Variants in KLHL32 observed in about 807,000 individuals in gnomAD.
The protein encoded by KLHL32 is kelch like family member 32.
KLHL32 carries 35 observed loss-of-function variants against 64.8 expected under a neutral mutation model. The observed-to-expected ratio is 0.54, with a 90% CI of 0.41 to 0.72. KLHL32 has a LOEUF of 0.72. KLHL32 is among the 30% of genes least tolerant of loss of function. The pLI is 0.00. For synonymous variants in KLHL32, 259 were observed against 281.0 expected (o/e 0.92, Z 0.78); for missense variants, 589 against 768.5 (o/e 0.77, Z 2.76).
chr6:96,945,962 C>T (rs998477021), intron 1 of KLHL32, among the ~76,000 whole-genome samples: 1 of 152,064 alleles, frequency 6.6e-6, no homozygotes, highest in Non-Finnish European at 1.5e-5. Context: ...GTTAAAGTTT[C>T]TGCAGTTATG....
At position 97,103,455 on chromosome 6, in the gene KLHL32, T is replaced by C. The variant is rs376966964; in HGVS notation, c.628-10328T>C. ...GTCTCGATCTCCTGACCTTGTGATC[T>C]GCCCGCCTTGGCCTCCCAAAGTGCT... is the stretch of plus-strand genomic sequence containing the variant. On this transcript the variant is annotated intron_variant, in intron 6 of 10. Coordinates refer to ENST00000369261, the MANE Select transcript of KLHL32 (RefSeq NM_052904.4). 1.1e-4 allele frequency among the ~76,000 whole-genome samples: 16 copies of C among 152,306 alleles called. No homozygotes were observed. The East Asian group carries it at 1.7e-3, about 17-fold the overall frequency.
intron 10 of KLHL32, among the ~76,000 whole-genome samples, chr6:97,138,165 G>C (rs1800254434): frequency 1.3e-5 from 2 of 152,218 alleles, no homozygotes; most frequent in Non-Finnish European, 2.9e-5. Context: ...CTCTCCTGAA[G>C]AAAGAATTTT....
chr6:96,990,253 A>T (rs536615643), intron 3 of KLHL32, among the ~76,000 whole-genome samples: 32 of 152,210 alleles, frequency 2.1e-4, no homozygotes, highest in African/African-American at 7.5e-4. Context: ...GAGTACATTC[A>T]GTTGCCTCTT....
At chr6:97,133,349 C>T (rs1799642795) in intron 10 of KLHL32, among the ~76,000 whole-genome samples, 1 of 152,122 alleles carries the variant, frequency 6.6e-6, no homozygotes. Flanking sequence ...AGTATTATTC[C>T]TATTATTATT....
In KLHL32 at chr6:97,086,326, T is replaced by G. The variant is rs531753132; in HGVS notation, c.627+985T>G. Among the ~76,000 whole-genome samples, 12 of 152,334 alleles carry G rather than the reference T, an allele frequency of 7.9e-5. No homozygotes were observed. In the East Asian group the frequency reaches 1.9e-3, roughly 24 times the overall value. ...TTATTCAGTAGCTAACTCTACTGAC[T>G]GATTATTTTCCTGATGCCTTTCTGC... On this transcript the variant is annotated intron_variant, in intron 6 of 10. Transcript: ENST00000369261.
chr6:97,132,409 T>A (rs1799533199), intron 9 of KLHL32, among the ~76,000 whole-genome samples: 1 of 152,228 alleles, frequency 6.6e-6, no homozygotes, highest in Non-Finnish European at 1.5e-5. Context: ...TATTTAATGC[T>A]GTACTTACTA....
chr6:97,073,575 T>C (rs143169243), intron 5 of KLHL32, among the ~76,000 whole-genome samples: 66 of 152,298 alleles, frequency 4.3e-4, no homozygotes, highest in Non-Finnish European at 5.9e-4. Context: ...CTTTCATCTC[T>C]AGTTCTAGTG....
At chr6:97,047,117 T>A (rs534838802) in intron 4 of KLHL32, among the ~76,000 whole-genome samples, 1 of 152,256 alleles carries the variant, frequency 6.6e-6, no homozygotes. Flanking sequence ...AAGTGTAGCC[T>A]TCTTAAAATT....
At chr6:96,968,006 G>C (rs978538698) in intron 2 of KLHL32, among the ~76,000 whole-genome samples, 6 of 152,184 alleles carry the variant, frequency 3.9e-5, no homozygotes, top group Non-Finnish European at 8.8e-5. Context: ...CAAAGAATAA[G>C]AGAGATGACA....
chr6:97,077,660 TAAG>T (rs1791819566), intron 5 of KLHL32, among the ~76,000 whole-genome samples: 2 of 152,220 alleles, frequency 1.3e-5, no homozygotes. Context: ...ATTAAGTACT[TAAG>T]AACACTTTTC....
intron 7 of KLHL32, among the ~76,000 whole-genome samples, chr6:97,115,457 C>T (rs1340317197): frequency 6.6e-6 from 1 of 152,098 alleles, no homozygotes; most frequent in Non-Finnish European, 1.5e-5. Context: ...TTTTGAAAAC[C>T]TTTTGATTAT....
intron 3 of KLHL32, among the ~76,000 whole-genome samples, chr6:97,035,895 G>T (rs1450347505): frequency 1.3e-5 from 2 of 152,004 alleles, no homozygotes; most frequent in East Asian, 3.9e-4. Flanking sequence ...AATGTTTTTG[G>T]TAATTATTCC....
rs199552121 is a variant in KLHL32, at chr6:97,057,172, C to CTTTTTTTT, written c.313-7434_313-7427dup. Among the ~76,000 whole-genome samples, 8 of 65,016 alleles carry CTTTTTTTT rather than the reference C, an allele frequency of 1.2e-4. 2 individuals are homozygous for CTTTTTTTT. The highest frequency in any genetic ancestry group is 4.4e-4 in the African/African-American group (5 of 11,316). The allele number at this position is 65,016 out of a possible 152,430, so 42.7% of individuals were successfully genotyped here. A position where few individuals can be genotyped will look rare whatever the true frequency, so the allele number is the denominator to read the frequency against. On this transcript the variant is annotated intron_variant, in intron 4 of 10. Coordinates refer to ENST00000369261, the MANE Select transcript of KLHL32 (RefSeq NM_052904.4). ...AAATGCAGTTTTCCTATGTGAGTATCTTTTTTTTTTTTTTTTTTTTTTTTT... is the reference window on the plus strand; with the variant it reads ...AAATGCAGTTTTCCTATGTGAGTATCTTTTTTTTTTTTTTTTTTTTTTTTTTTTTTTTT...
intron 6 of KLHL32, among the ~76,000 whole-genome samples, chr6:97,113,531 T>A (rs1040222800): frequency 2.6e-5 from 4 of 152,206 alleles, no homozygotes; most frequent in Non-Finnish European, 5.9e-5. Flanking sequence ...CCAAATGGTA[T>A]CTGAAGCCCC....
At chr6:97,002,428 C>G (rs921188593) in intron 3 of KLHL32, among the ~76,000 whole-genome samples, 1 of 152,070 alleles carries the variant, frequency 6.6e-6, no homozygotes, top group Non-Finnish European at 1.5e-5. Context: ...AGAGCAAAAA[C>G]AAATATTTTT....
intron 6 of KLHL32, among the ~76,000 whole-genome samples, chr6:97,090,189 A>G (rs555212840): frequency 6.6e-6 from 1 of 152,298 alleles, no homozygotes; most frequent in African/African-American, 2.4e-5. Flanking sequence ...TCCATATTAA[A>G]ATGTATTGAA....
intron 6 of KLHL32, 93 bp from the exon 7 acceptor site, chr6:97,113,690 C>A: frequency 7.0e-7 from 1 of 1,433,144 alleles, no homozygotes; most frequent in Non-Finnish European, 9.5e-7. Context: ...TATTACCTGC[C>A]TGGAAGAATA....
intron 7 of KLHL32, among the ~76,000 whole-genome samples, chr6:97,125,938 A>G (rs532912660): frequency 3.4e-4 from 52 of 152,290 alleles, no homozygotes; most frequent in African/African-American, 1.2e-3. Context: ...TTACATCTCA[A>G]AGAGGGAGAG....
chr6:97,138,522 C>T (rs1024394774), intron 10 of KLHL32, among the ~76,000 whole-genome samples: 1 of 151,764 alleles, frequency 6.6e-6, no homozygotes, highest in Admixed American at 6.6e-5. Flanking sequence ...AGAGCAAGAC[C>T]CTGTCTCAAA....
Sources: allele counts gnomAD v4.1 joint callset (sites outside exome capture counted in the v4.1 genomes callset), GRCh38; gene constraint gnomAD v4.1.1; transcripts MANE v1.5; gene names NCBI Gene and HGNC (gene_info 2026-07-23, HGNC 2026-07-21).